ASTL: variants seen among roughly 807,000 people sequenced by gnomAD.
ASTL encodes astacin-like metalloendopeptidase.
In ASTL, 27 loss-of-function variants were observed where a neutral mutation model predicts 36.7. The observed-to-expected ratio is 0.73, with a 90% CI of 0.54 to 1.01. The LOEUF (loss-of-function observed/expected upper bound fraction) is 1.01, where lower values mean the gene tolerates loss of function less well. ASTL is among the 50% of genes least tolerant of loss of function. The pLI, the probability that ASTL is intolerant of heterozygous loss-of-function variation, is 0.00. For synonymous variants in ASTL, 222 were observed against 228.1 expected (o/e 0.97, Z 0.24); for missense variants, 524 against 572.8 (o/e 0.91, Z 0.87).
At chr2:96,131,288 G>A (rs1682173883) in intron 6 of ASTL, among the ~76,000 whole-genome samples, 1 of 151,778 alleles carries the variant, frequency 6.6e-6, no homozygotes, top group Non-Finnish European at 1.5e-5. Flanking sequence ...AGTCTTTCAT[G>A]ATTTTTTTTT....
At position 96,124,938 on chromosome 2, in the gene ASTL, C is replaced by T. The variant is rs1412314985; in HGVS notation, c.875-667G>A. Among the ~76,000 whole-genome samples the T allele has an allele frequency of 6.6e-6, 1 of 152,232 alleles. No individual in the cohort carries two copies. The highest frequency in any genetic ancestry group is 2.1e-4 in the South Asian group (1 of 4,832). ...CACACTTCAACTGGTGACTCTTCTA[C>T]CAGGTCCTGTTAGCCTCACAGCCCA... On this transcript the variant is annotated intron_variant, in intron 8 of 8. Coordinates refer to ENST00000342380, the MANE Select transcript of ASTL (RefSeq NM_001002036.4). This position sits in a 1 kb window ranked among gnomAD's most constrained non-coding sequence, Gnocchi z 4.1.
At position 96,123,901 on chromosome 2, in the gene ASTL, C is replaced by A. The variant is rs1354699933; in HGVS notation, c.1245G>T (p.Leu415=). The A allele has an allele frequency of 6.2e-7, 1 of 1,613,920 alleles. No individual in the cohort carries two copies. Among genetic ancestry groups the A allele is most frequent in the Non-Finnish European group, 8.5e-7 (1 of 1,179,976 alleles). Residue 415 remains leucine (L), a synonymous_variant, in exon 9 of 9, where the codon CTG becomes CTT. Transcript: ENST00000342380. ...GATTTCTAGGTACACAGCCCCCTGGCAGAGCTGGGCTTCCCTGGACAGGGA... is the reference window on the plus strand; with the variant it reads ...GATTTCTAGGTACACAGCCCCCTGGAAGAGCTGGGCTTCCCTGGACAGGGA... ...QPVPVQGSPA[L]PGGCVPRNHF...
At chr2:96,129,793 G>T (rs771118141) in intron 8 of ASTL, 31 bp downstream of exon 8, 2 of 1,511,042 alleles carry the variant, frequency 1.3e-6, no homozygotes, top group Non-Finnish European at 1.8e-6. Context: ...CCTTCTCCAG[G>T]TTCAAGTCAC....
chr2:96,134,257 C>G (rs1489400480), intron 3 of ASTL, among the ~76,000 whole-genome samples, 199 bp from the exon 4 acceptor site: 2 of 152,246 alleles, frequency 1.3e-5, no homozygotes, highest in African/African-American at 4.8e-5. Flanking sequence ...ATGCACAAGA[C>G]AGTCCCTTGG....
chr2:96,135,728 G>C (rs1310661006), intron 2 of ASTL, among the ~76,000 whole-genome samples: 2 of 152,182 alleles, frequency 1.3e-5, no homozygotes, highest in African/African-American at 4.8e-5. Flanking sequence ...TGTGGAGCTA[G>C]AGGTTCCCTG....
At chr2:96,136,065 T>TC (rs1398144877) in intron 2 of ASTL, among the ~76,000 whole-genome samples, 1 of 152,120 alleles carries the variant, frequency 6.6e-6, no homozygotes, top group Non-Finnish European at 1.5e-5. Flanking sequence ...CAAGCCCCTC[T>TC]CCCCTCTTAG....
At chr2:96,138,338 T>TC in intron 1 of ASTL, 44 bp downstream of exon 1, 1 of 1,568,352 alleles carries the variant, frequency 6.4e-7, no homozygotes, top group East Asian at 2.3e-5. Flanking sequence ...CCCAGCTTTC[T>TC]CCAGGCTGGA....
intron 4 of ASTL, 42 bp from the exon 5 acceptor site, chr2:96,133,584 T>C: frequency 1.4e-6 from 2 of 1,397,872 alleles, no homozygotes; most frequent in Non-Finnish European, 2.0e-6. Context: ...GCCCTGGTGG[T>C]CTTTGAGCTC....
Position 96,124,249 on chromosome 2 carries a change from A to G in ASTL, c.897T>C (p.Gly299=). 1 of 1,514,048 alleles carries G rather than the reference A, an allele frequency of 6.6e-7. No individual in the cohort carries two copies. Among genetic ancestry groups the G allele is most frequent in the South Asian group, 1.3e-5 (1 of 74,684 alleles). The allele number at this position is 1,514,048 out of a possible 1,614,324, so 93.8% of individuals were successfully genotyped here. ...RGRGSHAHST[G]RSPAPASLSL... ...ATAGGGAGGCCGGAGCGGGGCTCCT[A>G]CCAGTGCTGTGGGCATGGGACCCTG... Residue 299 remains glycine, a synonymous_variant, in exon 9 of 9, where the codon GGT becomes GGC. Transcript: ENST00000342380. This position sits in a 1 kb window ranked among gnomAD's most constrained non-coding sequence, Gnocchi z 4.1.
At chr2:96,127,636 C>T (rs1200992729) in intron 8 of ASTL, among the ~76,000 whole-genome samples, 1 of 151,936 alleles carries the variant, frequency 6.6e-6, no homozygotes, top group African/African-American at 2.4e-5. Context: ...TGCAGTGGCA[C>T]GATCTTGGCT....
rs879634697 is a variant in ASTL, at chr2:96,130,154, AC to A, written c.638-10del. ...GAAGTTGATTTCAAAGCCTAAAAAT[AC>A]AAAAACAATACAACTTACTGATATA... is the stretch of plus-strand genomic sequence containing the variant. On this transcript the variant is annotated splice_polypyrimidine_tract_variant and intron_variant, in intron 6 of 8. Transcript: ENST00000342380. The A allele has an allele frequency of 5.6e-6, 9 of 1,608,060 alleles. No individual in the cohort carries two copies. The highest frequency in any genetic ancestry group is 7.7e-6 in the Non-Finnish European group (9 of 1,174,576).
chr2:96,135,442 A>G lies in ASTL; in HGVS notation c.182-30T>C, dbSNP rs1395409976. On this transcript the variant is annotated intron_variant, in intron 2 of 8. Transcript: ENST00000342380. ...GAAAGGAAGAAGGACGTGTTGGCCC[A>G]TGTCCCCCAGAACACTGACTCGTGG... The G allele has an allele frequency of 6.2e-6, 10 of 1,609,950 alleles. No homozygotes were observed. In the African/African-American group the frequency reaches 1.2e-4, roughly 19 times the overall value.
Position 96,132,668 on chromosome 2 carries a change from G to A in ASTL, c.509C>T (p.Pro170Leu). 6.2e-7 allele frequency: 1 copy of A among 1,613,138 alleles called. No individual in the cohort carries two copies. The highest frequency in any genetic ancestry group is 8.5e-7 in the Non-Finnish European group (1 of 1,179,516). The change falls in exon 6 of 9, where the codon CCC (proline) becomes CTC (leucine). Residue 170 changes from proline to leucine, a missense_variant. Pro to Leu is a moderately conservative substitution (Grantham distance 98). Transcript: ENST00000342380. The surrounding 1 kb of genome is among the most constrained non-coding windows in gnomAD (Gnocchi z 5.4). ...SGGMQVVSLA[P>L]TCLQKGRGIV... ...GCCCCGGCCCTTCTGGAGACACGTG[G>A]GCGCCAGGGAGACCACCTGCATCCC...
Position 96,124,398 on chromosome 2 carries a change from A to G in ASTL, c.875-127T>C. On this transcript the variant is annotated intron_variant, in intron 8 of 8. Coordinates refer to ENST00000342380, the MANE Select transcript of ASTL (RefSeq NM_001002036.4). The surrounding 1 kb of genome is among the most constrained non-coding windows in gnomAD (Gnocchi z 4.1). ...ACCCATGCCACGGCCTAGTGCATCCAAGACCCAGATTCCCACCCTACCAGA... is the reference window on the plus strand; with the variant it reads ...ACCCATGCCACGGCCTAGTGCATCCGAGACCCAGATTCCCACCCTACCAGA... The G allele has an allele frequency of 1.3e-6, 1 of 771,368 alleles. No individual in the cohort carries two copies. The allele number at this position is 771,368 out of a possible 1,614,324, so 47.8% of individuals were successfully genotyped here. A position where few individuals can be genotyped will look rare whatever the true frequency, so the allele number is the denominator to read the frequency against.
At chr2:96,130,256 G>A (rs1016759858) in intron 6 of ASTL, 111 bp from the exon 7 acceptor site, 1 of 826,420 alleles carries the variant, frequency 1.2e-6, no homozygotes, top group Non-Finnish European at 2.0e-6. Flanking sequence ...CCAAGCTGAG[G>A]GGCTGAGCCC....
intron 8 of ASTL, among the ~76,000 whole-genome samples, chr2:96,126,202 G>C (rs1362639713): frequency 6.6e-6 from 1 of 152,072 alleles, no homozygotes; most frequent in African/African-American, 2.4e-5. Context: ...AGTGTTCAAA[G>C]GACATTATTA....
At chr2:96,133,395 T>C in intron 5 of ASTL, 30 bp downstream of exon 5, 1 of 1,376,378 alleles carries the variant, frequency 7.3e-7, no homozygotes. Context: ...AGAAGCGAGC[T>C]GAGATACGCA....
chr2:96,136,203 A>T (rs1238594761), intron 2 of ASTL, among the ~76,000 whole-genome samples: 1 of 152,256 alleles, frequency 6.6e-6, no homozygotes, highest in Non-Finnish European at 1.5e-5. Flanking sequence ...TGGGCGCTCC[A>T]GACCACAAAT....
Position 96,137,700 on chromosome 2 carries a change from C to A in ASTL, c.56G>T (p.Gly19Val), listed in dbSNP as rs1682331971. 1.2e-5 allele frequency: 19 copies of A among 1,611,974 alleles called. No homozygotes were observed. The highest frequency in any genetic ancestry group is 1.6e-5 in the Non-Finnish European group (19 of 1,179,304). Residue 19 changes from glycine to valine, a missense_variant and splice_region_variant, in exon 2 of 9, where the codon GGT (glycine) becomes GTT (valine). Transcript: ENST00000342380. Reference protein sequence around the residue: ...PWVLGLLSLPGVILGAPLASS... With the variant: ...PWVLGLLSLPVVILGAPLASS... ...GGCCAGGGGCGCTCCTAGGATCACA[C>A]CTGGTCCAGACAGACAGGGGCATAC...
Sources: gnomAD v4.1 joint callset for allele counts (sites outside exome capture counted in the v4.1 genomes callset) on GRCh38, gnomAD v4.1.1 for gene constraint, Gnocchi (gnomAD v3.1) non-coding constraint, MANE v1.5 for transcripts, NCBI Gene and HGNC (gene_info 2026-07-23, HGNC 2026-07-21) for gene names.